Variants in KCNQ3 observed in about 807,000 individuals in gnomAD.
KCNQ3 encodes the protein potassium voltage-gated channel subfamily KQT member 3.
In KCNQ3, 30 loss-of-function variants were observed where a neutral mutation model predicts 92.5. The observed-to-expected ratio is 0.32, with a 90% CI of 0.24 to 0.44. The LOEUF (loss-of-function observed/expected upper bound fraction) is 0.44, where lower values mean the gene tolerates loss of function less well. Among genes scored for constraint, KCNQ3 ranks in the 20% least tolerant of loss-of-function variants. The probability of loss-of-function intolerance (pLI) is 1.00; values close to 1 mark genes in which losing one functional copy is unlikely to be tolerated. For missense variants in KCNQ3, 913 were observed against 1,140.3 expected, an observed-to-expected ratio of 0.80 and a Z score of 2.87; for synonymous variants, 450 against 468.8, an observed-to-expected ratio of 0.96 and a Z score of 0.52.
intron 8 of KCNQ3, among the ~76,000 whole-genome samples, chr8:132,168,476 A>T (rs1445005040): frequency 6.6e-6 from 1 of 152,134 alleles, no homozygotes; most frequent in Non-Finnish European, 1.5e-5. Context: ...AGTGCCCTGA[A>T]CAGAAAGTGG....
chr8:132,363,116 G>C (rs999270795), intron 1 of KCNQ3, among the ~76,000 whole-genome samples: 2 of 152,152 alleles, frequency 1.3e-5, no homozygotes, highest in Admixed American at 1.3e-4. Flanking sequence ...GAAGCAAGCA[G>C]TTCACTCAAT....
At chr8:132,374,397 C>T (rs1236622845) in intron 1 of KCNQ3, among the ~76,000 whole-genome samples, 1 of 152,298 alleles carries the variant, frequency 6.6e-6, no homozygotes, top group Non-Finnish European at 1.5e-5. Flanking sequence ...GAGGCTTTCC[C>T]TTAGGTCACT....
chr8:132,130,230 C>T (rs907719861), intron 14 of KCNQ3, among the ~76,000 whole-genome samples: 4 of 151,812 alleles, frequency 2.6e-5, no homozygotes, highest in East Asian at 1.9e-4. Flanking sequence ...TACAGGCACC[C>T]GCCACCATGC....
chr8:132,305,805 C>T (rs1275843039), intron 1 of KCNQ3, among the ~76,000 whole-genome samples: 1 of 152,144 alleles, frequency 6.6e-6, no homozygotes, highest in African/African-American at 2.4e-5. Context: ...TTCAATATTC[C>T]TCATTTGTTC....
At chr8:132,211,973 CTT>C in intron 1 of KCNQ3, among the ~76,000 whole-genome samples, 1 of 142,682 alleles carries the variant, frequency 7.0e-6, no homozygotes, top group Non-Finnish European at 1.5e-5. Context: ...AAAAAAAAAA[CTT>C]TTAACAAGGT....
intron 7 of KCNQ3, among the ~76,000 whole-genome samples, 146 bp downstream of exon 7, chr8:132,172,444 AAGACACAC>A (rs1281274930): frequency 3.4e-5 from 5 of 146,014 alleles, no homozygotes; most frequent in Non-Finnish European, 7.7e-5. Flanking sequence ...ACAGACACAC[AAGACACAC>A]AGACACACAT....
At chr8:132,214,592 T>G (rs1813966619) in intron 1 of KCNQ3, among the ~76,000 whole-genome samples, 1 of 152,180 alleles carries the variant, frequency 6.6e-6, no homozygotes, top group Non-Finnish European at 1.5e-5. Context: ...CAAATACAAT[T>G]GGTAGCACTT....
chr8:132,374,622 C>T (rs1316952297), intron 1 of KCNQ3, among the ~76,000 whole-genome samples: 1 of 152,174 alleles, frequency 6.6e-6, no homozygotes, highest in Non-Finnish European at 1.5e-5. Context: ...TTTCATCACC[C>T]AGGTACTAAG....
chr8:132,141,029 G>T, intron 10 of KCNQ3, 100 bp downstream of exon 10: 1 of 1,099,310 alleles, frequency 9.1e-7, no homozygotes, highest in Non-Finnish European at 1.4e-6. Context: ...ACCTTGTGGA[G>T]TCAAAGGTTC....
chr8:132,360,637 T>C (rs953080369), intron 1 of KCNQ3, among the ~76,000 whole-genome samples: 4 of 152,180 alleles, frequency 2.6e-5, no homozygotes, highest in Non-Finnish European at 4.4e-5. Flanking sequence ...CAAGAGCTGC[T>C]AGCTGTGCTT....
chr8:132,149,753 T>A (rs772657374), intron 9 of KCNQ3, among the ~76,000 whole-genome samples: 2 of 152,154 alleles, frequency 1.3e-5, no homozygotes, highest in African/African-American at 2.4e-5. Context: ...AGTGCATGGC[T>A]GTAGTGTGTG....
chr8:132,413,393 C>T (rs1820707485), intron 1 of KCNQ3, among the ~76,000 whole-genome samples: 1 of 152,210 alleles, frequency 6.6e-6, no homozygotes, highest in Non-Finnish European at 1.5e-5. Flanking sequence ...TCACCTCCTC[C>T]AGGAAGCCTT....
At chr8:132,225,621 C>T (rs1814386341) in intron 1 of KCNQ3, among the ~76,000 whole-genome samples, 1 of 152,180 alleles carries the variant, frequency 6.6e-6, no homozygotes, top group African/African-American at 2.4e-5. Context: ...ACACCTCTTC[C>T]AAATCCAATT....
intron 1 of KCNQ3, among the ~76,000 whole-genome samples, chr8:132,401,770 C>T (rs1357137862): frequency 6.6e-6 from 1 of 152,234 alleles, no homozygotes; most frequent in Non-Finnish European, 1.5e-5. Flanking sequence ...CCACCCTCCT[C>T]CTAGTCAGTG....
chr8:132,455,280 T>C (rs1270095274), intron 1 of KCNQ3, among the ~76,000 whole-genome samples: 2 of 152,138 alleles, frequency 1.3e-5, no homozygotes, highest in African/African-American at 4.8e-5. Context: ...CTAATATTTG[T>C]ATACTTAGTA....
intron 1 of KCNQ3, among the ~76,000 whole-genome samples, chr8:132,247,059 A>T (rs538215106): frequency 3.0e-4 from 46 of 152,336 alleles, no homozygotes; most frequent in African/African-American, 1.1e-3. Flanking sequence ...TCTATCAAAG[A>T]CAAGCTGAGG....
At chr8:132,159,676 G>A (rs1217036910) in intron 9 of KCNQ3, among the ~76,000 whole-genome samples, 1 of 152,206 alleles carries the variant, frequency 6.6e-6, no homozygotes, top group Non-Finnish European at 1.5e-5. Flanking sequence ...GAGAAACAGA[G>A]ATAAGAGATA....
At chr8:132,294,941 C>G (rs1198079248) in intron 1 of KCNQ3, among the ~76,000 whole-genome samples, 1 of 152,066 alleles carries the variant, frequency 6.6e-6, no homozygotes, top group Non-Finnish European at 1.5e-5. Flanking sequence ...CTACAAAAAC[C>G]CTAGAAGAAA....
chr8:132,465,730 C>T (rs955415469), intron 1 of KCNQ3, among the ~76,000 whole-genome samples: 2 of 150,986 alleles, frequency 1.3e-5, no homozygotes, highest in Non-Finnish European at 3.0e-5. Flanking sequence ...GGCAACAGAG[C>T]GAAACTCCGT....
Sources: allele counts gnomAD v4.1 joint callset (sites outside exome capture counted in the v4.1 genomes callset), GRCh38; gene constraint gnomAD v4.1.1; transcripts MANE v1.5; gene names NCBI Gene and HGNC (gene_info 2026-07-23, HGNC 2026-07-21).